The following CCDC7 variants were observed in gnomAD, a reference collection of about 807,000 sequenced individuals.
CCDC7 encodes coiled-coil domain-containing protein 7.
In CCDC7, 183 loss-of-function variants were observed where a neutral mutation model predicts 196.9. The observed-to-expected ratio is 0.93, with a 90% CI of 0.82 to 1.05. The LOEUF (loss-of-function observed/expected upper bound fraction) is 1.05, where lower values mean the gene tolerates loss of function less well. Among genes scored for constraint, CCDC7 ranks in the 50% least tolerant of loss-of-function variants. The pLI is 0.00. For synonymous variants in CCDC7, 525 were observed against 484.6 expected (o/e 1.08, Z -1.10); for missense variants, 1,540 against 1,482.2 (o/e 1.04, Z -0.64).
At chr10:32,629,170 G>C (rs2064471781) in intron 18 of CCDC7, among the ~76,000 whole-genome samples, 1 of 151,976 alleles carries the variant, frequency 6.6e-6, no homozygotes, top group Non-Finnish European at 1.5e-5. Flanking sequence ...TATGTTTTTA[G>C]GTTCTCCGGT....
chr10:32,829,881 A>C (rs1052097643), intron 32 of CCDC7, among the ~76,000 whole-genome samples: 1 of 151,622 alleles, frequency 6.6e-6, no homozygotes, highest in African/African-American at 2.4e-5. Flanking sequence ...TGTGGCTAGA[A>C]TATAAAGCAG....
At chr10:32,864,643 A>G (rs935920669) in intron 41 of CCDC7, among the ~76,000 whole-genome samples, 2 of 151,800 alleles carry the variant, frequency 1.3e-5, no homozygotes. Flanking sequence ...CTGTTGTACA[A>G]TATATACAAA....
At chr10:32,508,075 A>G (rs2045493044) in intron 9 of CCDC7, among the ~76,000 whole-genome samples, 1 of 152,228 alleles carries the variant, frequency 6.6e-6, no homozygotes, top group Admixed American at 6.5e-5. Flanking sequence ...ATCAGAATAG[A>G]AGAAGTAAAA....
At chr10:32,637,065 T>C (rs902557338) in intron 20 of CCDC7, among the ~76,000 whole-genome samples, 2 of 152,230 alleles carry the variant, frequency 1.3e-5, no homozygotes, top group Admixed American at 1.3e-4. Context: ...CGCCCACTTT[T>C]TGATGGGGTT....
chr10:32,736,512 G>T (rs1313970672), intron 28 of CCDC7, among the ~76,000 whole-genome samples: 2 of 151,914 alleles, frequency 1.3e-5, no homozygotes, highest in Non-Finnish European at 2.9e-5. Flanking sequence ...CTAGCATTAG[G>T]TATATCTCCC....
intron 9 of CCDC7, chr10:32,511,495 T>C: frequency 6.2e-7 from 1 of 1,603,424 alleles, no homozygotes; most frequent in Non-Finnish European, 8.5e-7. Flanking sequence ...CCTGTTTTAC[T>C]GGATGTTCCT....
At chr10:32,666,621 G>A (rs1211240909) in intron 21 of CCDC7, among the ~76,000 whole-genome samples, 1 of 149,408 alleles carries the variant, frequency 6.7e-6, no homozygotes, top group East Asian at 2.0e-4. Context: ...GTGAGAACAT[G>A]TAGTGTTTGG....
intron 32 of CCDC7, among the ~76,000 whole-genome samples, chr10:32,830,498 T>A (rs1228233837): frequency 6.6e-6 from 1 of 152,002 alleles, no homozygotes; most frequent in Non-Finnish European, 1.5e-5. Flanking sequence ...ATAATTCTTA[T>A]AAATATTTAA....
At chr10:32,691,669 A>G (rs2484721) in intron 23 of CCDC7, among the ~76,000 whole-genome samples, 149,884 of 152,286 alleles carry the variant, frequency 0.98, 73,801 homozygotes, top group Middle Eastern at 1. Context: ...AGACAGCGGA[A>G]TGGCTCAAGG....
chr10:32,681,045 C>T (rs1403300507), intron 21 of CCDC7, among the ~76,000 whole-genome samples: 1 of 152,166 alleles, frequency 6.6e-6, no homozygotes, highest in Non-Finnish European at 1.5e-5. Context: ...TGGAGAGCCC[C>T]ATCAGTCTCC....
chr10:32,765,952 C>T (rs2078225240), intron 28 of CCDC7, among the ~76,000 whole-genome samples: 1 of 152,016 alleles, frequency 6.6e-6, no homozygotes, highest in South Asian at 2.1e-4. Context: ...ACTGTCCTAC[C>T]TTAAGGGTAT....
At chr10:32,861,006 A>G (rs779712970) in intron 41 of CCDC7, among the ~76,000 whole-genome samples, 1 of 151,762 alleles carries the variant, frequency 6.6e-6, no homozygotes, top group African/African-American at 2.4e-5. Context: ...TATAGGTTCA[A>G]TGCTGTCCCA....
At chr10:32,628,779 A>G (rs1418560439) in intron 18 of CCDC7, among the ~76,000 whole-genome samples, 3 of 151,974 alleles carry the variant, frequency 2.0e-5, no homozygotes, top group African/African-American at 4.8e-5. Context: ...TTCCAGGACC[A>G]TGTTTCATTT....
At chr10:32,583,803 A>G (rs2058969105) in intron 17 of CCDC7, among the ~76,000 whole-genome samples, 3 of 152,130 alleles carry the variant, frequency 2.0e-5, no homozygotes, top group Admixed American at 2.0e-4. Flanking sequence ...AGGGCTGTAC[A>G]TATTTGACAT....
chr10:32,728,038 A>G (rs1218445377), intron 26 of CCDC7, among the ~76,000 whole-genome samples: 1 of 152,144 alleles, frequency 6.6e-6, no homozygotes, highest in African/African-American at 2.4e-5. Flanking sequence ...TCAGAGCCCA[A>G]GCAATCACTA....
In CCDC7 at chr10:32,721,881, AGTT is replaced by A. The variant is rs1286578633; in HGVS notation, c.2570-4847_2570-4845del. On this transcript the variant is annotated intron_variant, in intron 25 of 41. Transcript: ENST00000639629. Reference sequence around the variant, plus strand: ...TATTGAAAAGAGTATACGAGATGTCAGTTGTTGTATATTAAGTTCCTTTGTCTT... The same window carrying A: ...TATTGAAAAGAGTATACGAGATGTCAGTTGTATATTAAGTTCCTTTGTCTT... 3.9e-5 allele frequency among the ~76,000 whole-genome samples: 6 copies of A among 152,218 alleles called. No individual in the cohort carries two copies. The East Asian group carries it at 1.2e-3, about 29-fold the overall frequency.
intron 9 of CCDC7, among the ~76,000 whole-genome samples, chr10:32,498,510 T>G (rs1474947469): frequency 6.6e-6 from 1 of 152,216 alleles, no homozygotes; most frequent in Admixed American, 6.5e-5. Flanking sequence ...GTTTTTGCAG[T>G]GGCTGGTACC....
intron 31 of CCDC7, among the ~76,000 whole-genome samples, chr10:32,816,961 A>C (rs1487981733): frequency 6.6e-6 from 1 of 152,226 alleles, no homozygotes; most frequent in Non-Finnish European, 1.5e-5. Flanking sequence ...AGCTCCTCAC[A>C]AGCAACGGAA....
downstream of CCDC7, chr10:32,876,511 T>A: frequency 1.0e-6 from 1 of 970,640 alleles, no homozygotes. Context: ...TGGTGCTTAT[T>A]GAAAAACAGC....
Sources: allele counts gnomAD v4.1 joint callset (sites outside exome capture counted in the v4.1 genomes callset), GRCh38; gene constraint gnomAD v4.1.1; transcripts MANE v1.5; gene names NCBI Gene and HGNC (gene_info 2026-07-23, HGNC 2026-07-21).